Variants in GALNTL6 observed in about 807,000 individuals in gnomAD.
GALNTL6 encodes the protein polypeptide N-acetylgalactosaminyltransferase-like 6.
Under a neutral mutation model 73.7 loss-of-function variants are expected in GALNTL6, and 46 were observed. The ratio of observed to expected loss-of-function variants is 0.62; its 90% confidence interval spans 0.49 to 0.80. GALNTL6 has a LOEUF of 0.80. GALNTL6 is among the 30% of genes least tolerant of loss of function. The probability of loss-of-function intolerance (pLI) is 0.00; values close to 1 mark genes in which losing one functional copy is unlikely to be tolerated. For missense variants in GALNTL6, 604 were observed against 755.0 expected, an observed-to-expected ratio of 0.80 and a Z score of 2.34; for synonymous variants, 259 against 263.7, an observed-to-expected ratio of 0.98 and a Z score of 0.17.
chr4:171,933,533 C>T (rs1738249055), intron 2 of GALNTL6, among the ~76,000 whole-genome samples: 1 of 151,982 alleles, frequency 6.6e-6, no homozygotes, highest in African/African-American at 2.4e-5. Context: ...ACTGATTCAA[C>T]AAATATTAAC....
chr4:172,812,437 A>G (rs187874682), intron 6 of GALNTL6, among the ~76,000 whole-genome samples: 1 of 152,346 alleles, frequency 6.6e-6, no homozygotes, highest in Admixed American at 6.5e-5. Context: ...CCCATTAGAC[A>G]GCATTGGTCT....
At chr4:172,030,778 T>C (rs1287488449) in intron 2 of GALNTL6, among the ~76,000 whole-genome samples, 5 of 151,626 alleles carry the variant, frequency 3.3e-5, no homozygotes, top group Non-Finnish European at 5.9e-5. Flanking sequence ...TATGTATATA[T>C]GCATATTACC....
chr4:172,822,857 G>T (rs1742016814), intron 7 of GALNTL6, among the ~76,000 whole-genome samples: 1 of 152,136 alleles, frequency 6.6e-6, no homozygotes, highest in Non-Finnish European at 1.5e-5. Context: ...TCCTGAGTCT[G>T]TCTGTCTGTC....
intron 5 of GALNTL6, among the ~76,000 whole-genome samples, chr4:172,658,079 G>A (rs1234130519): frequency 8.4e-6 from 1 of 119,658 alleles, no homozygotes; most frequent in Admixed American, 1.0e-4. Flanking sequence ...GAACCCGGGA[G>A]GCGGAGCTTG....
intron 10 of GALNTL6, among the ~76,000 whole-genome samples, chr4:172,990,198 G>T (rs1317160640): frequency 1.3e-5 from 2 of 152,152 alleles, no homozygotes; most frequent in Non-Finnish European, 2.9e-5. Flanking sequence ...GTCTCCAATT[G>T]TGTCCTGTTA....
chr4:172,130,181 AT>A (rs34151025), intron 2 of GALNTL6, among the ~76,000 whole-genome samples: 55,104 of 129,832 alleles, frequency 0.42, 11,668 homozygotes, highest in African/African-American at 0.52. Flanking sequence ...TCATTACAGA[AT>A]TTTTTTTTTT....
intron 3 of GALNTL6, among the ~76,000 whole-genome samples, chr4:172,309,351 A>G (rs1389695364): frequency 6.6e-6 from 1 of 152,100 alleles, no homozygotes; most frequent in East Asian, 1.9e-4. Flanking sequence ...ATACAAAATG[A>G]ATAACATGTT....
intron 5 of GALNTL6, among the ~76,000 whole-genome samples, chr4:172,747,944 A>C (rs886959801): frequency 7.2e-5 from 11 of 152,008 alleles, no homozygotes; most frequent in Non-Finnish European, 1.2e-4. Context: ...AGAGACAATC[A>C]CTATATAAGC....
intron 12 of GALNTL6, 92 bp downstream of exon 12, chr4:173,021,717 G>C: frequency 7.4e-7 from 1 of 1,350,842 alleles, no homozygotes. Context: ...TTTTAGGCCT[G>C]GCGCAGTCAC....
chr4:173,006,067 T>C (rs1752265412), intron 10 of GALNTL6, among the ~76,000 whole-genome samples: 2 of 152,098 alleles, frequency 1.3e-5, no homozygotes, highest in Admixed American at 6.5e-5. Flanking sequence ...CTTGGGTATG[T>C]TTTTTTCTCC....
intron 5 of GALNTL6, among the ~76,000 whole-genome samples, chr4:172,548,175 AG>A (rs35577631): frequency 0.83 from 126,162 of 151,686 alleles, 52,598 homozygotes; most frequent in Non-Finnish European, 0.87. Context: ...ATGTCAATGA[AG>A]GGTCAAAAGA....
At chr4:172,141,577 C>A (rs921279476) in intron 2 of GALNTL6, among the ~76,000 whole-genome samples, 2 of 151,692 alleles carry the variant, frequency 1.3e-5, no homozygotes, top group Non-Finnish European at 2.9e-5. Context: ...TAAGAATACT[C>A]CTTATTTTAA....
At chr4:172,487,347 TTTC>T (rs1477107835) in intron 5 of GALNTL6, among the ~76,000 whole-genome samples, 2,081 of 120,908 alleles carry the variant, frequency 0.017, 27 homozygotes, top group Non-Finnish European at 0.027. Flanking sequence ...TCTTTCTTTC[TTTC>T]TTTCTTTCCT....
intron 4 of GALNTL6, among the ~76,000 whole-genome samples, chr4:172,312,372 C>G (rs1740394095): frequency 6.9e-6 from 1 of 145,466 alleles, no homozygotes; most frequent in African/African-American, 2.4e-5. Context: ...CTCTATCCAC[C>G]CCCATCTACA....
intron 5 of GALNTL6, among the ~76,000 whole-genome samples, chr4:172,609,593 C>T (rs1738438851): frequency 7.1e-6 from 1 of 140,124 alleles, no homozygotes; most frequent in South Asian, 2.3e-4. Flanking sequence ...GGATATTGGC[C>T]TGAAGTTTTC....
chr4:172,232,371 T>C (rs911406576), intron 3 of GALNTL6, among the ~76,000 whole-genome samples: 3 of 152,162 alleles, frequency 2.0e-5, no homozygotes, highest in Non-Finnish European at 4.4e-5. Context: ...AAAAATATTT[T>C]TGAGATTTAT....
intron 2 of GALNTL6, among the ~76,000 whole-genome samples, chr4:172,082,976 A>C (rs1381137993): frequency 6.6e-6 from 1 of 152,108 alleles, no homozygotes; most frequent in Non-Finnish European, 1.5e-5. Context: ...TTTATCACTA[A>C]AATATTTCCC....
intron 2 of GALNTL6, among the ~76,000 whole-genome samples, chr4:172,121,698 C>T (rs901854112): frequency 4.6e-5 from 7 of 152,240 alleles, no homozygotes; most frequent in African/African-American, 1.7e-4. Flanking sequence ...CTAGGTCTAC[C>T]TGGGTCCATG....
At chr4:172,161,045 G>T (rs1734450018) in intron 2 of GALNTL6, among the ~76,000 whole-genome samples, 1 of 151,712 alleles carries the variant, frequency 6.6e-6, no homozygotes, top group Non-Finnish European at 1.5e-5. Flanking sequence ...TCAATGGAGG[G>T]ACATCCTTGA....
Sources: gnomAD v4.1 joint callset for allele counts (sites outside exome capture counted in the v4.1 genomes callset) on GRCh38, gnomAD v4.1.1 for gene constraint, MANE v1.5 for transcripts, NCBI Gene and HGNC (gene_info 2026-07-23, HGNC 2026-07-21) for gene names.